The following PPP2R2C variants were observed in gnomAD, a reference collection of about 807,000 sequenced individuals.
The protein encoded by PPP2R2C is protein phosphatase 2, regulatory subunit B, gamma.
In PPP2R2C, 10 loss-of-function variants were observed where a neutral mutation model predicts 45.3. The observed-to-expected ratio is 0.22, with a 90% CI of 0.14 to 0.37. PPP2R2C has a LOEUF of 0.37. Ranked by LOEUF, PPP2R2C falls within the 10% of genes least tolerant of loss-of-function variation. The pLI, the probability that PPP2R2C is intolerant of heterozygous loss-of-function variation, is 1.00. For synonymous variants in PPP2R2C, 257 were observed against 245.4 expected (o/e 1.05, Z -0.44); for missense variants, 308 against 619.7 (o/e 0.50, Z 5.34).
intron 2 of PPP2R2C, among the ~76,000 whole-genome samples, chr4:6,486,712 A>G (rs776751428): frequency 2.6e-5 from 4 of 151,868 alleles, no homozygotes; most frequent in African/African-American, 4.8e-5. Context: ...TATCTTTTTC[A>G]TTGTTTTACT....
At position 6,556,517 on chromosome 4, in the gene PPP2R2C, C is replaced by T. The variant is rs111881709; in HGVS notation, c.-59+7043G>A. Reference sequence around the variant, plus strand: ...AGCCAATTCCGTGTGCGTGTGTGTGCGCACACGTGCAGTGATCCTATTGGC... The same window carrying T: ...AGCCAATTCCGTGTGCGTGTGTGTGTGCACACGTGCAGTGATCCTATTGGC... On this transcript the variant is annotated intron_variant, in intron 1 of 9. Coordinates refer to the PPP2R2C transcript ENST00000506140. Among the ~76,000 whole-genome samples the T allele has an allele frequency of 3.0e-3, 458 of 152,274 alleles. 3 individuals are homozygous for T. Among genetic ancestry groups the T allele is most frequent in the African/African-American group, 0.01 (429 of 41,556 alleles).
chr4:6,538,296 T>C (rs1389014793), intron 1 of PPP2R2C, among the ~76,000 whole-genome samples: 3 of 152,114 alleles, frequency 2.0e-5, no homozygotes, highest in African/African-American at 7.2e-5. Flanking sequence ...TTCCTGGCTC[T>C]TTACCCCACC....
intron 4 of PPP2R2C, among the ~76,000 whole-genome samples, chr4:6,374,314 C>G (rs959350656): frequency 1.3e-5 from 2 of 152,178 alleles, no homozygotes; most frequent in African/African-American, 4.8e-5. Context: ...CAGCCATTTG[C>G]TGCCATCCAC....
Position 6,524,498 on chromosome 4 carries a change from G to T in PPP2R2C, c.49+10773C>A, listed in dbSNP as rs114843963. On this transcript the variant is annotated intron_variant, in intron 2 of 9. Coordinates refer to the PPP2R2C transcript ENST00000506140. ...TCAGCTGCTCTCAGAACCAGAACAGGGTCTAGGAATCCACGTCTGCACCGT... is the reference window on the plus strand; with the variant it reads ...TCAGCTGCTCTCAGAACCAGAACAGTGTCTAGGAATCCACGTCTGCACCGT... 3.9e-3 allele frequency among the ~76,000 whole-genome samples: 593 copies of T among 152,242 alleles called. 5 individuals are homozygous for T. The highest frequency in any genetic ancestry group is 0.013 in the African/African-American group (557 of 41,536).
At chr4:6,494,606 G>A (rs1461753627) in intron 2 of PPP2R2C, among the ~76,000 whole-genome samples, 1 of 152,176 alleles carries the variant, frequency 6.6e-6, no homozygotes, top group African/African-American at 2.4e-5. Context: ...GACACTCACA[G>A]CCCAGGTGGA....
intron 1 of PPP2R2C, among the ~76,000 whole-genome samples, chr4:6,469,855 T>C (rs1721774312): frequency 6.6e-6 from 1 of 152,240 alleles, no homozygotes. Context: ...ATGATTATTA[T>C]TGTTTCTTGT....
chr4:6,423,715 A>G (rs372598305), intron 1 of PPP2R2C, among the ~76,000 whole-genome samples: 1 of 152,174 alleles, frequency 6.6e-6, no homozygotes, highest in African/African-American at 2.4e-5. Context: ...TCTCAGGGTG[A>G]GGAGGAGTCA....
intron 2 of PPP2R2C, among the ~76,000 whole-genome samples, chr4:6,495,034 C>T (rs1181797764): frequency 6.6e-6 from 1 of 152,168 alleles, no homozygotes; most frequent in Non-Finnish European, 1.5e-5. Context: ...TTGGGGAGGC[C>T]AACAAGCTGG....
intron 1 of PPP2R2C, among the ~76,000 whole-genome samples, chr4:6,560,302 A>G (rs746893772): frequency 1.3e-5 from 2 of 152,120 alleles, no homozygotes; most frequent in African/African-American, 2.4e-5. Context: ...TCTGGAAGCA[A>G]CTCCAAGCCA....
rs756994097 is a variant in PPP2R2C at position 6,347,893 on chromosome 4, C to T, written c.743G>A (p.Arg248Gln). 2 of 1,613,826 alleles carry T rather than the reference C, an allele frequency of 1.2e-6. No homozygotes were observed. The highest frequency in any genetic ancestry group is 1.7e-6 in the Non-Finnish European group (2 of 1,179,952). The change falls in exon 6 of 9, where the codon CGG becomes CAG. Residue 248 changes from arginine (R) to glutamine (Q), a missense_variant. Arg to Gln is a conservative substitution (Grantham distance 43, BLOSUM62 1). Transcript: ENST00000382599. ...GGCAGCTGCCCGCATGTCGCAGAGC[C>T]GCAGGGAGCCCTTGCTGCTGCTGTA... ...FVYSSSKGSL[R>Q]LCDMRAAALC...
At chr4:6,447,385 C>T (rs911049536) in intron 1 of PPP2R2C, among the ~76,000 whole-genome samples, 1 of 152,180 alleles carries the variant, frequency 6.6e-6, no homozygotes, top group Admixed American at 6.5e-5. Flanking sequence ...ATAACCCCAT[C>T]TCGGGCTGTT....
chr4:6,413,264 C>T (rs1718307885), intron 1 of PPP2R2C, among the ~76,000 whole-genome samples: 1 of 85,836 alleles, frequency 1.2e-5, no homozygotes, highest in African/African-American at 3.3e-5. Context: ...TGTACTCGCA[C>T]ACACATTGTC....
chr4:6,337,864 C>A (rs184062333), intron 6 of PPP2R2C, among the ~76,000 whole-genome samples: 1 of 152,114 alleles, frequency 6.6e-6, no homozygotes, highest in Non-Finnish European at 1.5e-5. Flanking sequence ...GGAATGCAAA[C>A]GATAGATCGG....
At chr4:6,534,911 G>A (rs915474442) in intron 2 of PPP2R2C, among the ~76,000 whole-genome samples, 9 of 152,248 alleles carry the variant, frequency 5.9e-5, no homozygotes, top group African/African-American at 2.2e-4. Flanking sequence ...CCCAGTGCTG[G>A]CCACAGCGGG....
chr4:6,511,401 G>A (rs1723463760), intron 2 of PPP2R2C, among the ~76,000 whole-genome samples: 1 of 150,776 alleles, frequency 6.6e-6, no homozygotes, highest in Non-Finnish European at 1.5e-5. Flanking sequence ...TGATGGTGGT[G>A]ATGGTGGTGG....
chr4:6,355,993 G>GAAAAAAAAAA lies in PPP2R2C; in HGVS notation c.626-7993_626-7984dup, dbSNP rs61011461. Among the ~76,000 whole-genome samples, 855 of 97,800 alleles carry GAAAAAAAAAA rather than the reference G, an allele frequency of 8.7e-3. 25 individuals are homozygous for GAAAAAAAAAA. Among genetic ancestry groups the GAAAAAAAAAA allele is most frequent in the Non-Finnish European group, 0.012 (585 of 47,998 alleles). The allele number at this position is 97,800 out of a possible 152,430, so 64.2% of individuals were successfully genotyped here. On this transcript the variant is annotated intron_variant, in intron 5 of 8. Transcript: ENST00000382599. ...GGGTGACAGAGTGAGACTCTGCCTG[G>GAAAAAAAAAA]AAAAAAAAAAAAAAAAAAAAAAAGA...
chr4:6,395,485 C>T (rs1248008907), intron 1 of PPP2R2C, among the ~76,000 whole-genome samples: 3 of 152,214 alleles, frequency 2.0e-5, no homozygotes, highest in African/African-American at 7.2e-5. Context: ...TTTCCTCCCT[C>T]CTTGTGGAGA....
At chr4:6,468,621 A>G (rs1331555653) in intron 1 of PPP2R2C, among the ~76,000 whole-genome samples, 1 of 152,092 alleles carries the variant, frequency 6.6e-6, no homozygotes, top group Admixed American at 6.5e-5. Context: ...GCCAGGATCT[A>G]CCTGGTCAGC....
chr4:6,435,715 C>T (rs1003847082), intron 1 of PPP2R2C, among the ~76,000 whole-genome samples: 12 of 152,188 alleles, frequency 7.9e-5, no homozygotes, highest in East Asian at 7.7e-4. Context: ...TTGGCCTTTA[C>T]TTCTTTCTTG....
Sources: gnomAD v4.1 joint callset for allele counts (sites outside exome capture counted in the v4.1 genomes callset) on GRCh38, gnomAD v4.1.1 for gene constraint, MANE v1.5 for transcripts, NCBI Gene and HGNC (gene_info 2026-07-23, HGNC 2026-07-21) for gene names.